Variants in CTTNBP2 observed in about 807,000 individuals in gnomAD.
CTTNBP2 encodes cortactin binding protein 2.
A neutral mutation model predicts 156.9 loss-of-function variants in CTTNBP2; 108 were observed. The ratio of observed to expected loss-of-function variants is 0.69; its 90% CI spans 0.59 to 0.81. The LOEUF is 0.81. Among genes scored for constraint, CTTNBP2 ranks in the 30% least tolerant of loss-of-function variants. The probability of loss-of-function intolerance (pLI) is 0.00; values close to 1 mark genes in which losing one functional copy is unlikely to be tolerated. For missense variants in CTTNBP2, 1,924 were observed against 2,035.4 expected, an observed-to-expected ratio of 0.95 and a Z score of 1.05; for synonymous variants, 767 against 751.8, an observed-to-expected ratio of 1.02 and a Z score of -0.33.
intron 1 of CTTNBP2, among the ~76,000 whole-genome samples, chr7:117,862,500 C>T (rs565383881): frequency 6.6e-6 from 1 of 152,248 alleles, no homozygotes; most frequent in Admixed American, 6.5e-5. Flanking sequence ...GCAACTTTTA[C>T]AAGTAGGTTC....
chr7:117,856,342 G>T (rs938108288), intron 2 of CTTNBP2, among the ~76,000 whole-genome samples: 1 of 152,194 alleles, frequency 6.6e-6, no homozygotes, highest in Non-Finnish European at 1.5e-5. Context: ...TCCCTAAGAA[G>T]AGTAGTAAAA....
intron 2 of CTTNBP2, among the ~76,000 whole-genome samples, chr7:117,829,515 T>G (rs1410194680): frequency 6.6e-6 from 1 of 152,162 alleles, no homozygotes; most frequent in Non-Finnish European, 1.5e-5. Flanking sequence ...CCTGCACACC[T>G]TTTCTTTGTA....
At position 117,714,206 on chromosome 7, in the gene CTTNBP2, G is replaced by A. The variant is rs1008979269; in HGVS notation, c.4747-2424C>T. 2.0e-5 allele frequency: 3 copies of A among 152,162 alleles called. No homozygotes were observed. In the South Asian group the frequency reaches 6.2e-4, roughly 32 times the overall value. The allele number at this position is 152,162 out of a possible 1,614,324, so 9.4% of individuals were successfully genotyped here. A position where few individuals can be genotyped will look rare whatever the true frequency, so the allele number is the denominator to read the frequency against. Reference sequence around the variant, plus strand: ...TGTCAAGTTACCAGAAAGAAAATGAGAAGTTACATTGCTTGTCATGAGTTG... The same window carrying A: ...TGTCAAGTTACCAGAAAGAAAATGAAAAGTTACATTGCTTGTCATGAGTTG... On this transcript the variant is annotated intron_variant, in intron 22 of 22. Coordinates refer to ENST00000160373, the MANE Select transcript of CTTNBP2 (RefSeq NM_033427.3).
intron 1 of CTTNBP2, chr7:117,872,023 T>G: frequency 9.5e-6 from 9 of 947,054 alleles, no homozygotes; most frequent in Non-Finnish European, 1.1e-5. Context: ...GTGGGCAGGT[T>G]TCGTTTGAAA....
intron 22 of CTTNBP2, among the ~76,000 whole-genome samples, chr7:117,717,618 T>C (rs1794498303): frequency 6.6e-6 from 1 of 152,106 alleles, no homozygotes; most frequent in Admixed American, 6.5e-5. Context: ...ACTGACCACT[T>C]AGTAGCCCTC....
At chr7:117,844,864 A>G (rs954166127) in intron 2 of CTTNBP2, among the ~76,000 whole-genome samples, 6 of 152,128 alleles carry the variant, frequency 3.9e-5, no homozygotes, top group African/African-American at 7.2e-5. Context: ...GATTGCTTCA[A>G]TGTTCTCAAT....
At chr7:117,747,087 G>A (rs567279008) in intron 12 of CTTNBP2, among the ~76,000 whole-genome samples, 1 of 152,290 alleles carries the variant, frequency 6.6e-6, no homozygotes, top group East Asian at 1.9e-4. Context: ...ATGGAAAGCT[G>A]GTCTTGCAGC....
In CTTNBP2 at chr7:117,811,014, T is replaced by A. The variant is rs116318926; in HGVS notation, c.190-25A>T. On this transcript the variant is annotated intron_variant, in intron 2 of 22. Transcript: ENST00000160373. ...CCTGGAACAAAATTAGAGAAATGTA[T>A]TGAAGAAAGAAATGAAAATATACAG... is the stretch of plus-strand genomic sequence containing the variant. 2,712 of 1,518,666 alleles carry A rather than the reference T, an allele frequency of 1.8e-3. 48 individuals carry two copies. In the African/African-American group the frequency reaches 0.032, roughly 18 times the overall value. The allele number at this position is 1,518,666 out of a possible 1,614,324, so 94.1% of individuals were successfully genotyped here. A position where few individuals can be genotyped will look rare whatever the true frequency, so the allele number is the denominator to read the frequency against.
chr7:117,757,982 A>G lies in CTTNBP2; in HGVS notation c.3173-12T>C, dbSNP rs1353041632. 1.3e-6 allele frequency: 2 copies of G among 1,596,696 alleles called. No homozygotes were observed. Among genetic ancestry groups the G allele is most frequent in the Non-Finnish European group, 8.6e-7 (1 of 1,167,338 alleles). On this transcript the variant is annotated splice_polypyrimidine_tract_variant and intron_variant, in intron 10 of 22. Coordinates refer to ENST00000160373, the MANE Select transcript of CTTNBP2 (RefSeq NM_033427.3). Reference sequence around the variant, plus strand: ...CCACGGCACATTTCCTAGTTTCAAAAAATGAAATAAAATGTCAAGGGAAGC... The same window carrying G: ...CCACGGCACATTTCCTAGTTTCAAAGAATGAAATAAAATGTCAAGGGAAGC...
At chr7:117,713,833 T>TTTTCCCAAACC (rs1794190042) in intron 22 of CTTNBP2, 1 of 152,206 alleles carries the variant, frequency 6.6e-6, no homozygotes, top group African/African-American at 2.4e-5. Flanking sequence ...CTCTAATATA[T>TTTTCCCAAACC]ACTTGGCTAG....
rs1326463821 is a variant in CTTNBP2 at position 117,711,338 on chromosome 7, T to G, written c.*199A>C. On this transcript the variant is annotated 3_prime_UTR_variant, in exon 23 of 23. Transcript: ENST00000160373. ...ATAACTTCCTGGTATTGAAGTTCAA[T>G]CCTACAGAATTAAAAAAAAAAGCAA... The G allele has an allele frequency of 7.3e-6, 4 of 546,684 alleles. No individual in the cohort carries two copies. Among genetic ancestry groups the G allele is most frequent in the Middle Eastern group, 5.0e-4 (1 of 2,012 alleles). 33.9% of individuals were successfully genotyped at this position (546,684 alleles called of 1,614,324 possible).
At position 117,792,720 on chromosome 7, in the gene CTTNBP2, C is replaced by T. The variant is rs375304355; in HGVS notation, c.476G>A (p.Arg159His). 5.8e-5 allele frequency: 93 copies of T among 1,608,666 alleles called. No homozygotes were observed. The highest frequency in any genetic ancestry group is 7.5e-5 in the Non-Finnish European group (88 of 1,177,334). The change falls in exon 4 of 23, where the codon CGC becomes CAC. Residue 159 changes from arginine (R) to histidine (H), a missense_variant. Coordinates refer to ENST00000160373, the MANE Select transcript of CTTNBP2 (RefSeq NM_033427.3). This position sits in a 1 kb window ranked among gnomAD's most constrained non-coding sequence, Gnocchi z 4.2. ...LEQEHKKLAA[R>H]LEEERGKNKQ... is the part of the protein sequence containing the mutation. ...GTTCTTGCCACGCTCTTCCTCAAGG[C>T]GGGCAGCCAGCTTCTTGTGCTCTTG...
chr7:117,799,268 T>C (rs1208479032), intron 3 of CTTNBP2, among the ~76,000 whole-genome samples: 2 of 151,812 alleles, frequency 1.3e-5, no homozygotes, highest in East Asian at 1.9e-4. Flanking sequence ...TAGCAAAATA[T>C]AGGCAAATGA....
At chr7:117,818,284 A>T (rs969106041) in intron 2 of CTTNBP2, among the ~76,000 whole-genome samples, 15 of 151,890 alleles carry the variant, frequency 9.9e-5, no homozygotes, top group East Asian at 5.8e-4. Flanking sequence ...TAAGAATAAT[A>T]AAAAAAAACC....
chr7:117,719,424 C>T lies in CTTNBP2; in HGVS notation c.4644+80G>A, dbSNP rs546876647. ...TAACCATACTATCAATAAGGAATTTCTTTTAGGGAATTGTGGTCCCCCAAA... is the reference window on the plus strand; with the variant it reads ...TAACCATACTATCAATAAGGAATTTTTTTTAGGGAATTGTGGTCCCCCAAA... On this transcript the variant is annotated intron_variant, in intron 21 of 22. Transcript: ENST00000160373. 1,634 of 1,336,266 alleles carry T rather than the reference C, an allele frequency of 1.2e-3. 2 individuals are homozygous for T. Among genetic ancestry groups the T allele is most frequent in the Non-Finnish European group, 1.6e-3 (1,541 of 979,426 alleles). 82.8% of individuals were successfully genotyped at this position (1,336,266 alleles called of 1,614,324 possible). A position where few individuals can be genotyped will look rare whatever the true frequency, so the allele number is the denominator to read the frequency against.
chr7:117,755,789 G>A (rs1584949961), intron 12 of CTTNBP2, among the ~76,000 whole-genome samples: 1 of 152,322 alleles, frequency 6.6e-6, no homozygotes, highest in East Asian at 1.9e-4. Context: ...TTAGGTGGGT[G>A]CACAATTGCC....
chr7:117,715,751 C>T (rs956845752), intron 22 of CTTNBP2: 2 of 152,028 alleles, frequency 1.3e-5, no homozygotes, highest in African/African-American at 2.4e-5. Flanking sequence ...TTTTTGTTTT[C>T]CAACAGATAA....
intron 3 of CTTNBP2, among the ~76,000 whole-genome samples, chr7:117,804,415 A>G (rs1267174881): frequency 6.6e-6 from 1 of 152,224 alleles, no homozygotes; most frequent in African/African-American, 2.4e-5. Flanking sequence ...TATTTCTACC[A>G]AAAATGCAAA....
At chr7:117,822,763 A>T (rs1801044176) in intron 2 of CTTNBP2, among the ~76,000 whole-genome samples, 1 of 152,212 alleles carries the variant, frequency 6.6e-6, no homozygotes, top group Non-Finnish European at 1.5e-5. Flanking sequence ...GGCCCAGCAT[A>T]TGGTCTACCT....
Sources: allele counts gnomAD v4.1 joint callset (sites outside exome capture counted in the v4.1 genomes callset), GRCh38; gene constraint gnomAD v4.1.1; non-coding constraint Gnocchi (gnomAD v3.1); transcripts MANE v1.5; gene names NCBI Gene and HGNC (gene_info 2026-07-23, HGNC 2026-07-21).